The following TTC28 variants were observed in gnomAD, a reference collection of about 807,000 sequenced individuals.
The protein encoded by TTC28 is tetratricopeptide repeat protein 28.
A neutral mutation model predicts 198.0 loss-of-function variants in TTC28; 61 were observed. That is an observed-to-expected ratio of 0.31 (90% CI 0.25 to 0.38). The LOEUF is 0.38. TTC28 is among the 10% of genes least tolerant of loss of function. TTC28 has a pLI of 1.00. For synonymous variants in TTC28, 1,171 were observed against 1,297.8 expected, an observed-to-expected ratio of 0.90 and a Z score of 2.10; for missense variants, 2,678 against 3,164.0, an observed-to-expected ratio of 0.85 and a Z score of 3.69.
chr22:28,521,728 A>C (rs1437518082), intron 2 of TTC28, among the ~76,000 whole-genome samples: 1 of 152,222 alleles, frequency 6.6e-6, no homozygotes. Flanking sequence ...TAAAGAACAA[A>C]GCCTGACATA....
At chr22:28,063,743 C>T (rs184095409) in intron 12 of TTC28, among the ~76,000 whole-genome samples, 1 of 152,130 alleles carries the variant, frequency 6.6e-6, no homozygotes, top group Admixed American at 6.6e-5. Flanking sequence ...ACGCATAACA[C>T]AGTCCAGGGC....
chr22:28,455,009 T>C (rs1463028882), intron 2 of TTC28, among the ~76,000 whole-genome samples: 1 of 152,216 alleles, frequency 6.6e-6, no homozygotes, highest in Non-Finnish European at 1.5e-5. Flanking sequence ...GACACTCTGA[T>C]TACCACATTA....
At chr22:28,298,838 C>G (rs2044956408) in intron 3 of TTC28, among the ~76,000 whole-genome samples, 1 of 152,186 alleles carries the variant, frequency 6.6e-6, no homozygotes, top group Admixed American at 6.5e-5. Context: ...CAACAAAACC[C>G]TTGTCATTCT....
At chr22:28,026,762 C>A (rs186521285) in intron 13 of TTC28, among the ~76,000 whole-genome samples, 1 of 152,326 alleles carries the variant, frequency 6.6e-6, no homozygotes, top group Admixed American at 6.5e-5. Context: ...AGACTTACTT[C>A]TTTGTCCTCT....
At chr22:28,661,945 C>T (rs184629320) in intron 1 of TTC28, among the ~76,000 whole-genome samples, 2 of 152,098 alleles carry the variant, frequency 1.3e-5, no homozygotes, top group Admixed American at 6.6e-5. Flanking sequence ...CACACTATGT[C>T]ACCCAGGCTG....
chr22:28,598,652 T>C (rs775651469), intron 2 of TTC28, among the ~76,000 whole-genome samples: 1 of 151,832 alleles, frequency 6.6e-6, no homozygotes, highest in Non-Finnish European at 1.5e-5. Flanking sequence ...TGATGACATA[T>C]ATGGCAACAA....
chr22:28,418,304 A>T (rs992235589), intron 2 of TTC28, among the ~76,000 whole-genome samples: 2 of 152,190 alleles, frequency 1.3e-5, no homozygotes, highest in Non-Finnish European at 2.9e-5. Context: ...TAACAAATCA[A>T]ATATACTGCA....
intron 6 of TTC28, among the ~76,000 whole-genome samples, chr22:28,116,132 T>C (rs967215565): frequency 6.6e-6 from 1 of 152,058 alleles, no homozygotes; most frequent in South Asian, 2.1e-4. Flanking sequence ...GCAGGGTCAG[T>C]TCCTCTTCAG....
At chr22:28,319,319 T>C (rs762043945) in intron 2 of TTC28, among the ~76,000 whole-genome samples, 23 of 152,332 alleles carry the variant, frequency 1.5e-4, no homozygotes, top group Admixed American at 7.8e-4. Flanking sequence ...AAGGTATTAG[T>C]TGTCAGTAAG....
At chr22:28,163,034 C>T in intron 6 of TTC28, 58 bp downstream of exon 6, 1 of 1,473,690 alleles carries the variant, frequency 6.8e-7, no homozygotes, top group Non-Finnish European at 9.0e-7. Flanking sequence ...GTGATCTACT[C>T]CAGCTATTTC....
intron 2 of TTC28, among the ~76,000 whole-genome samples, chr22:28,489,984 C>T (rs761128098): frequency 3.9e-5 from 6 of 151,990 alleles, no homozygotes; most frequent in Non-Finnish European, 5.9e-5. Flanking sequence ...ACTTGGAGTC[C>T]GATGTTCGAG....
intron 2 of TTC28, among the ~76,000 whole-genome samples, chr22:28,463,638 CATT>C (rs1357352970): frequency 6.6e-6 from 1 of 152,100 alleles, no homozygotes; most frequent in African/African-American, 2.4e-5. Flanking sequence ...TGGAAACCAT[CATT>C]CTCAGCAAAC....
intron 2 of TTC28, among the ~76,000 whole-genome samples, chr22:28,602,961 C>T (rs1038269402): frequency 3.3e-5 from 5 of 152,162 alleles, no homozygotes; most frequent in Admixed American, 2.0e-4. Flanking sequence ...CTCACTGCAA[C>T]CTCTGCCTCC....
intron 12 of TTC28, among the ~76,000 whole-genome samples, chr22:28,071,056 A>G (rs1940947454): frequency 6.6e-6 from 1 of 152,076 alleles, no homozygotes; most frequent in African/African-American, 2.4e-5. Flanking sequence ...TGGGAGGAGA[A>G]TGAGTGCTGG....
chr22:28,363,475 G>A (rs1349023206), intron 2 of TTC28, among the ~76,000 whole-genome samples: 1 of 152,210 alleles, frequency 6.6e-6, no homozygotes, highest in Non-Finnish European at 1.5e-5. Context: ...GGGCAGTATG[G>A]AAGGAAGGGA....
chr22:28,123,707 G>A (rs1942847161), intron 6 of TTC28, among the ~76,000 whole-genome samples: 1 of 152,120 alleles, frequency 6.6e-6, no homozygotes, highest in African/African-American at 2.4e-5. Context: ...TTCTGACTGG[G>A]GGCGGTGGCT....
intron 2 of TTC28, among the ~76,000 whole-genome samples, chr22:28,427,615 C>T (rs774864382): frequency 1.3e-5 from 2 of 152,048 alleles, no homozygotes; most frequent in Non-Finnish European, 2.9e-5. Flanking sequence ...ATCGCGCCAC[C>T]GCACTCTAGC....
chr22:28,453,995 C>T (rs891499591), intron 2 of TTC28, among the ~76,000 whole-genome samples: 2 of 152,178 alleles, frequency 1.3e-5, no homozygotes, highest in Non-Finnish European at 2.9e-5. Context: ...CTATACCTGC[C>T]TTCTTATGCT....
chr22:28,093,953 G>A, intron 12 of TTC28, 127 bp downstream of exon 12: 2 of 968,432 alleles, frequency 2.1e-6, no homozygotes, highest in Non-Finnish European at 3.0e-6. Context: ...TGCAGCAGCT[G>A]TGAACAGACT....
Sources: gnomAD v4.1 joint callset for allele counts (sites outside exome capture counted in the v4.1 genomes callset) on GRCh38, gnomAD v4.1.1 for gene constraint, MANE v1.5 for transcripts, NCBI Gene and HGNC (gene_info 2026-07-23, HGNC 2026-07-21) for gene names.